Variants in POLE2 observed in about 807,000 individuals in gnomAD.
POLE2 encodes DNA polymerase epsilon subunit 2.
A neutral mutation model predicts 79.4 loss-of-function variants in POLE2; 56 were observed. The observed-to-expected ratio is 0.71, with a 90% confidence interval of 0.57 to 0.88. The LOEUF (loss-of-function observed/expected upper bound fraction) is 0.88, where lower values mean the gene tolerates loss of function less well. Among genes scored for constraint, POLE2 ranks in the 40% least tolerant of loss-of-function variants. The pLI, the probability that POLE2 is intolerant of heterozygous loss-of-function variation, is 0.00. For missense variants in POLE2, 598 were observed against 638.9 expected (o/e 0.94, Z 0.69); for synonymous variants, 212 against 214.0 (o/e 0.99, Z 0.08).
chr14:49,645,043 C>CAAAAAAAAAA (rs527251561), intron 18 of POLE2, among the ~76,000 whole-genome samples: 4 of 88,314 alleles, frequency 4.5e-5, no homozygotes, highest in Non-Finnish European at 7.2e-5. Flanking sequence ...CTCCGTCTCA[C>CAAAAAAAAAA]AAAAAAAAAA....
intron 16 of POLE2, among the ~76,000 whole-genome samples, chr14:49,650,788 A>G (rs1332440915): frequency 6.6e-6 from 1 of 152,192 alleles, no homozygotes; most frequent in East Asian, 1.9e-4. Context: ...TATAAAATGA[A>G]TAATAAAAAT....
rs200328064 is a variant in POLE2, at chr14:49,669,533, G to C, written c.483C>G (p.Ser161Arg). Reference protein sequence around the residue: ...VIGSHPDESGSKFQLKTIETL... With the variant: ...VIGSHPDESGRKFQLKTIETL... Reference sequence around the variant, plus strand: ...AGGATAATGTTCTAACCTGGAATTTGCTTCCGCTTTCATCAGGGTGAGAAC... The same window carrying C: ...AGGATAATGTTCTAACCTGGAATTTCCTTCCGCTTTCATCAGGGTGAGAAC... The change falls in exon 6 of 19, where the codon AGC becomes AGG. Residue 161 changes from serine to arginine, a missense_variant. Ser to Arg is a moderately radical substitution (Grantham distance 110). Transcript: ENST00000216367. The C allele has an allele frequency of 6.4e-7, 1 of 1,557,102 alleles. No homozygotes were observed. The highest frequency in any genetic ancestry group is 1.7e-5 in the Admixed American group (1 of 59,888).
intron 10 of POLE2, among the ~76,000 whole-genome samples, chr14:49,663,009 C>T (rs1189720735): frequency 6.6e-6 from 1 of 152,176 alleles, no homozygotes; most frequent in Non-Finnish European, 1.5e-5. Flanking sequence ...TTATATTCTT[C>T]TAAGTGTTAT....
chr14:49,644,212 T>C (rs1271342201), intron 18 of POLE2, among the ~76,000 whole-genome samples: 2 of 149,740 alleles, frequency 1.3e-5, no homozygotes, highest in Admixed American at 1.3e-4. Flanking sequence ...AAAGGTAGAC[T>C]AATTTTTAAA....
In POLE2 at chr14:49,650,455, C is replaced by A; in HGVS notation, c.1321-14G>T. 2.2e-6 allele frequency: 3 copies of A among 1,380,122 alleles called. No homozygotes were observed. The highest frequency in any genetic ancestry group is 2.7e-5 in the East Asian group (1 of 36,592). The allele number at this position is 1,380,122 out of a possible 1,614,324, so 85.5% of individuals were successfully genotyped here. A position where few individuals can be genotyped will look rare whatever the true frequency, so the allele number is the denominator to read the frequency against. ...AGTCTTTACAAACTACAAAAGAGCA[C>A]AAAACAAAGCAAACTTCAGTTCATT... On this transcript the variant is annotated splice_polypyrimidine_tract_variant and intron_variant, in intron 16 of 18. Coordinates refer to ENST00000216367, the MANE Select transcript of POLE2 (RefSeq NM_002692.4).
intron 3 of POLE2, chr14:49,677,586 C>T: frequency 2.0e-6 from 1 of 508,090 alleles, no homozygotes; most frequent in Non-Finnish European, 3.5e-6. Context: ...CCCTAGAGCT[C>T]TTCCCTGAGC....
chr14:49,677,735 A>C, intron 3 of POLE2: 3 of 1,377,066 alleles, frequency 2.2e-6, no homozygotes, highest in Non-Finnish European at 2.9e-6. Flanking sequence ...GAACCAACTC[A>C]GCATCCCACA....
intron 5 of POLE2, among the ~76,000 whole-genome samples, chr14:49,671,256 C>T (rs1482262326): frequency 6.6e-6 from 1 of 152,140 alleles, no homozygotes; most frequent in Admixed American, 6.5e-5. Flanking sequence ...AACAACGAAT[C>T]CACAGTCTGA....
Position 49,646,302 on chromosome 14 carries a change from G to GTTTTTTTTGTTTTTTTTTTTTTTTTTTTT in POLE2, c.1565+990_1565+991insAAAAAAAAAAAAAAAAAAAACAAAAAAAA, listed in dbSNP as rs1883758731. On this transcript the variant is annotated intron_variant, in intron 18 of 18. Transcript: ENST00000216367. ...GATTTGGTCAGTTGTTTTTTTGTTG[G>GTTTTTTTTGTTTTTTTTTTTTTTTTTTTT]TTTTTTTTTTTTTTTTTTTTTTTTT... Among the ~76,000 whole-genome samples the GTTTTTTTTGTTTTTTTTTTTTTTTTTTTT allele has an allele frequency of 2.4e-5, 2 of 84,554 alleles. 1 individual carries two copies. The highest frequency in any genetic ancestry group is 1.2e-4 in the African/African-American group (2 of 16,944). The allele number at this position is 84,554 out of a possible 152,430, so 55.5% of individuals were successfully genotyped here.
At chr14:49,678,223 G>A (rs545092163) in intron 3 of POLE2, among the ~76,000 whole-genome samples, 4 of 152,010 alleles carry the variant, frequency 2.6e-5, no homozygotes, top group East Asian at 1.9e-4. Context: ...GGCTGGTCTC[G>A]AACTCCTGAC....
At chr14:49,668,687 G>T (rs1242372201) in intron 6 of POLE2, among the ~76,000 whole-genome samples, 1 of 152,148 alleles carries the variant, frequency 6.6e-6, no homozygotes, top group East Asian at 1.9e-4. Flanking sequence ...AGGCTCCTGG[G>T]CTGTGGGCAT....
intron 10 of POLE2, among the ~76,000 whole-genome samples, chr14:49,661,642 A>G (rs1203329885): frequency 6.6e-6 from 1 of 152,208 alleles, no homozygotes; most frequent in African/African-American, 2.4e-5. Context: ...CTGTAGACCT[A>G]TTTGCACTTA....
At chr14:49,677,484 C>T (rs550940628) in intron 3 of POLE2, 5 of 477,756 alleles carry the variant, frequency 1.0e-5, no homozygotes, top group African/African-American at 2.0e-5. Flanking sequence ...CACTTGGATG[C>T]CATGAATCAA....
intron 15 of POLE2, among the ~76,000 whole-genome samples, chr14:49,651,788 C>T (rs532070411): frequency 1.3e-5 from 2 of 152,074 alleles, no homozygotes; most frequent in Admixed American, 6.6e-5. Context: ...CAGAACAGGC[C>T]GGGCTCATAA....
Position 49,665,135 on chromosome 14 carries a change from C to A in POLE2, c.605G>T (p.Gly202Val). 1 of 1,411,882 alleles carries A rather than the reference C, an allele frequency of 7.1e-7. No homozygotes were observed. The highest frequency in any genetic ancestry group is 1.7e-5 in the Admixed American group (1 of 58,018). The allele number at this position is 1,411,882 out of a possible 1,614,324, so 87.5% of individuals were successfully genotyped here. ...EGKFFLEDPT[G>V]TVQLDLSKAQ... ...TTTACTAAGGTCTAGTTGGACTGTTCCAGTAGGATCTTCCAGAAAAAATTT... is the reference window on the plus strand; with the variant it reads ...TTTACTAAGGTCTAGTTGGACTGTTACAGTAGGATCTTCCAGAAAAAATTT... The change falls in exon 8 of 19, where the codon GGA becomes GTA. Residue 202 changes from glycine to valine, a missense_variant. Gly to Val is a moderately radical substitution (Grantham distance 109). Coordinates refer to ENST00000216367, the MANE Select transcript of POLE2 (RefSeq NM_002692.4).
chr14:49,658,254 T>A (rs775691404), intron 10 of POLE2, among the ~76,000 whole-genome samples: 4 of 152,078 alleles, frequency 2.6e-5, no homozygotes, highest in Non-Finnish European at 5.9e-5. Context: ...TTTTTTGTAG[T>A]TTTAGTAAAG....
chr14:49,675,397 T>C (rs963371134), intron 3 of POLE2, among the ~76,000 whole-genome samples: 1 of 150,766 alleles, frequency 6.6e-6, no homozygotes, highest in Non-Finnish European at 1.5e-5. Context: ...AGCTACAGTA[T>C]TATTAAAGGA....
intron 3 of POLE2, among the ~76,000 whole-genome samples, chr14:49,675,077 T>G (rs1489228146): frequency 6.7e-6 from 1 of 150,088 alleles, no homozygotes; most frequent in African/African-American, 2.5e-5. Context: ...ACTACTCTTA[T>G]GAGCTACAGT....
intron 17 of POLE2, among the ~76,000 whole-genome samples, chr14:49,648,863 G>C (rs1416433348): frequency 6.6e-6 from 1 of 152,158 alleles, no homozygotes; most frequent in East Asian, 1.9e-4. Flanking sequence ...CATGCTGGTT[G>C]TGAACTCCTG....
Sources: allele counts gnomAD v4.1 joint callset (sites outside exome capture counted in the v4.1 genomes callset), GRCh38; gene constraint gnomAD v4.1.1; transcripts MANE v1.5; gene names NCBI Gene and HGNC (gene_info 2026-07-23, HGNC 2026-07-21).